STARD3: variants seen among roughly 807,000 people sequenced by gnomAD.
STARD3 encodes stAR-related lipid transfer protein 3.
A neutral mutation model predicts 62.0 loss-of-function variants in STARD3; 39 were observed. The observed-to-expected ratio is 0.63, with a 90% CI of 0.49 to 0.82. The LOEUF is 0.82. Ranked by LOEUF, STARD3 falls within the 40% of genes least tolerant of loss-of-function variation. The probability of loss-of-function intolerance (pLI) is 0.00; values close to 1 mark genes in which losing one functional copy is unlikely to be tolerated. For synonymous variants in STARD3, 229 were observed against 242.4 expected, an observed-to-expected ratio of 0.94 and a Z score of 0.51; for missense variants, 543 against 584.5, an observed-to-expected ratio of 0.93 and a Z score of 0.73.
chr17:39,659,328 A>G (rs2057168466), intron 8 of STARD3, 133 bp from the exon 9 acceptor site: 1 of 1,025,000 alleles, frequency 9.8e-7, no homozygotes, highest in South Asian at 1.5e-5. Flanking sequence ...CAGGGAGACC[A>G]GCCCAGATCC....
Position 39,653,506 on chromosome 17 carries a change from C to A in STARD3, c.-26C>A, listed in dbSNP as rs1224975881. On this transcript the variant is annotated 5_prime_UTR_variant, in exon 2 of 15. Coordinates refer to ENST00000336308, the MANE Select transcript of STARD3 (RefSeq NM_006804.4). ...CCCTGCTGCTGAGGCCGCGCCCTCCCCGCCCTGAGGTGGGGGCCCACCAGG... is the reference window on the plus strand; with the variant it reads ...CCCTGCTGCTGAGGCCGCGCCCTCCACGCCCTGAGGTGGGGGCCCACCAGG... 6.3e-7 allele frequency: 1 copy of A among 1,598,232 alleles called. No homozygotes were observed. The highest frequency in any genetic ancestry group is 1.1e-5 in the South Asian group (1 of 90,988).
In STARD3 at chr17:39,650,757, T is replaced by A. The variant is rs574439672; in HGVS notation, c.-51-2724T>A. 2.0e-5 allele frequency among the ~76,000 whole-genome samples: 3 copies of A among 152,306 alleles called. No homozygotes were observed. In the South Asian group the frequency reaches 6.2e-4, roughly 32 times the overall value. On this transcript the variant is annotated intron_variant, in intron 1 of 14. Transcript: ENST00000336308. ...TGAGCTTAGAAGTTGAAGGCTGCAG[T>A]GAGCCATGATCGTGCCACTGCACTC...
intron 7 of STARD3, 67 bp downstream of exon 7, chr17:39,658,887 T>A: frequency 6.3e-7 from 1 of 1,583,268 alleles, no homozygotes; most frequent in South Asian, 1.1e-5. Flanking sequence ...GTAGGCTGGG[T>A]CTGTTCTTTC....
At chr17:39,648,129 CA>C (rs1189764939) in intron 1 of STARD3, among the ~76,000 whole-genome samples, 3 of 151,736 alleles carry the variant, frequency 2.0e-5, no homozygotes, top group African/African-American at 7.3e-5. Context: ...ACTAAAAATA[CA>C]AAAAATTAGC....
At chr17:39,642,119 G>T (rs1274862457) in intron 1 of STARD3, among the ~76,000 whole-genome samples, 2 of 152,244 alleles carry the variant, frequency 1.3e-5, no homozygotes, top group Admixed American at 1.3e-4. Context: ...GCGCCCAGGC[G>T]ATGGGCTGTG....
At chr17:39,662,628 A>C in intron 14 of STARD3, 176 bp from the exon 15 acceptor site, 2 of 666,964 alleles carry the variant, frequency 3.0e-6, no homozygotes, top group Non-Finnish European at 5.0e-6. Flanking sequence ...TGCTGGTGCC[A>C]AGAGCCAGGC....
In STARD3 at chr17:39,663,330, A is replaced by C. The variant is rs2057222542; in HGVS notation, c.*422A>C. On this transcript the variant is annotated 3_prime_UTR_variant, in exon 15 of 15. Transcript: ENST00000336308. ...TCGGTTTTTTTAGGATTATTGAAAGAGTCTGGGACCCTTGTTGGGGAGTGG... is the reference window on the plus strand; with the variant it reads ...TCGGTTTTTTTAGGATTATTGAAAGCGTCTGGGACCCTTGTTGGGGAGTGG... 1 of 345,484 alleles carries C rather than the reference A, an allele frequency of 2.9e-6. No homozygotes were observed. Among genetic ancestry groups the C allele is most frequent in the African/African-American group, 2.1e-5 (1 of 46,924 alleles). The allele number at this position is 345,484 out of a possible 1,614,324, so 21.4% of individuals were successfully genotyped here.
rs1173014604 is a variant in STARD3 at position 39,642,878 on chromosome 17, T to C, written c.-52+5647T>C. Among the ~76,000 whole-genome samples the C allele has an allele frequency of 2.0e-5, 3 of 152,002 alleles. No homozygotes were observed. The South Asian group carries it at 6.2e-4, about 32-fold the overall frequency. On this transcript the variant is annotated intron_variant, in intron 1 of 14. Transcript: ENST00000336308. Reference sequence around the variant, plus strand: ...GTGCAAGGGCCCTGGGGTAGGAGCATGCTTGATGTGTCCGTGGACAGCGAG... The same window carrying C: ...GTGCAAGGGCCCTGGGGTAGGAGCACGCTTGATGTGTCCGTGGACAGCGAG...
chr17:39,643,333 G>A (rs935483868), intron 1 of STARD3, among the ~76,000 whole-genome samples: 3 of 152,192 alleles, frequency 2.0e-5, no homozygotes, highest in Admixed American at 2.0e-4. Context: ...GAAGGTCCCA[G>A]CCTGTCATGG....
Position 39,660,198 on chromosome 17 carries a change from G to A in STARD3, c.796-13G>A, listed in dbSNP as rs1361152299. Reference sequence around the variant, plus strand: ...TCCACTCTCCTCCCTGCCACCTTCTGTCCCTGCCATAGGAATATGGGGACA... The same window carrying A: ...TCCACTCTCCTCCCTGCCACCTTCTATCCCTGCCATAGGAATATGGGGACA... On this transcript the variant is annotated splice_polypyrimidine_tract_variant and intron_variant, in intron 9 of 14. Transcript: ENST00000336308. The surrounding 1 kb of genome is among the most constrained non-coding windows in gnomAD (Gnocchi z 4.8). 2 of 1,613,650 alleles carry A rather than the reference G, an allele frequency of 1.2e-6. No homozygotes were observed. Among genetic ancestry groups the A allele is most frequent in the Admixed American group, 1.7e-5 (1 of 59,974 alleles).
intron 6 of STARD3, 71 bp from the exon 7 acceptor site, chr17:39,658,651 G>C: frequency 6.3e-7 from 1 of 1,593,480 alleles, no homozygotes. Context: ...CTGAGGGGGA[G>C]CTTGGGTGGG....
intron 1 of STARD3, among the ~76,000 whole-genome samples, chr17:39,639,775 A>T (rs1445955611): frequency 6.6e-6 from 1 of 152,198 alleles, no homozygotes; most frequent in Non-Finnish European, 1.5e-5. Flanking sequence ...GCCATTGTGC[A>T]TGCCTTTGGG....
chr17:39,657,680 A>C, intron 3 of STARD3, 95 bp from the exon 4 acceptor site: 1 of 1,347,252 alleles, frequency 7.4e-7, no homozygotes, highest in South Asian at 1.2e-5. Flanking sequence ...GCCCATAGGA[A>C]GGGAACGTGG....
chr17:39,637,865 G>A (rs530446180), intron 1 of STARD3, among the ~76,000 whole-genome samples: 81 of 152,190 alleles, frequency 5.3e-4, no homozygotes, highest in Non-Finnish European at 5.4e-4. Context: ...CCCTCGCTCT[G>A]TACACTGAAT....
intron 1 of STARD3, among the ~76,000 whole-genome samples, chr17:39,643,663 C>T (rs1229914544): frequency 2.0e-5 from 3 of 152,186 alleles, no homozygotes; most frequent in Non-Finnish European, 4.4e-5. Flanking sequence ...GCCTTCTACC[C>T]TCTGTGGAGT....
chr17:39,660,045 G>A lies in STARD3; in HGVS notation c.796-166G>A. Reference sequence around the variant, plus strand: ...AGCCTCTCTCCTGCCAGTGCCATAGGTTTGTTAGAGCTACTGTTTTGTAAC... The same window carrying A: ...AGCCTCTCTCCTGCCAGTGCCATAGATTTGTTAGAGCTACTGTTTTGTAAC... On this transcript the variant is annotated intron_variant, in intron 9 of 14. Coordinates refer to ENST00000336308, the MANE Select transcript of STARD3 (RefSeq NM_006804.4). The surrounding 1 kb of genome is among the most constrained non-coding windows in gnomAD (Gnocchi z 4.8). 1.5e-6 allele frequency: 1 copy of A among 654,660 alleles called. No homozygotes were observed. Among genetic ancestry groups the A allele is most frequent in the Non-Finnish European group, 2.7e-6 (1 of 368,692 alleles). 40.6% of individuals were successfully genotyped at this position (654,660 alleles called of 1,614,324 possible).
chr17:39,661,714 G>A (rs1017598450), intron 13 of STARD3, among the ~76,000 whole-genome samples: 1 of 152,164 alleles, frequency 6.6e-6, no homozygotes, highest in African/African-American at 2.4e-5. Flanking sequence ...TCTGCTTTGG[G>A]CACTGGACAG....
intron 7 of STARD3, 61 bp downstream of exon 7, chr17:39,658,881 G>C (rs969136820): frequency 1.3e-5 from 20 of 1,592,280 alleles, no homozygotes; most frequent in Non-Finnish European, 1.5e-5. Flanking sequence ...AATGGGGTAG[G>C]CTGGGTCTGT....
chr17:39,660,396 C>A lies in STARD3; in HGVS notation c.859-35C>A. ...GAAGGGTTGGTCTGCCCGAGCCCAT[C>A]TGGCACCACCCAGCCCTCTGCCGCC... On this transcript the variant is annotated intron_variant, in intron 10 of 14. Coordinates refer to ENST00000336308, the MANE Select transcript of STARD3 (RefSeq NM_006804.4). The surrounding 1 kb of genome is among the most constrained non-coding windows in gnomAD (Gnocchi z 4.8). 1.2e-6 allele frequency: 2 copies of A among 1,612,628 alleles called. No individual in the cohort carries two copies. Among genetic ancestry groups the A allele is most frequent in the East Asian group, 2.2e-5 (1 of 44,872 alleles).
Sources: allele counts gnomAD v4.1 joint callset (sites outside exome capture counted in the v4.1 genomes callset), GRCh38; gene constraint gnomAD v4.1.1; non-coding constraint Gnocchi (gnomAD v3.1); transcripts MANE v1.5; gene names NCBI Gene and HGNC (gene_info 2026-07-23, HGNC 2026-07-21).